The following AKT3 variants were observed in gnomAD, a reference collection of about 807,000 sequenced individuals.
AKT3 encodes RAC-gamma serine/threonine-protein kinase.
A neutral mutation model predicts 65.3 loss-of-function variants in AKT3; 15 were observed. The observed-to-expected ratio is 0.23, with a 90% CI of 0.15 to 0.35. AKT3 has a LOEUF of 0.35. Ranked by LOEUF, AKT3 falls within the 10% of genes least tolerant of loss-of-function variation. The pLI, the probability that AKT3 is intolerant of heterozygous loss-of-function variation, is 1.00. For missense variants in AKT3, 243 were observed against 576.5 expected, an observed-to-expected ratio of 0.42 and a Z score of 5.92; for synonymous variants, 206 against 183.8, an observed-to-expected ratio of 1.12 and a Z score of -0.98.
At chr1:243,670,167 G>C (rs1683066569) in intron 3 of AKT3, among the ~76,000 whole-genome samples, 1 of 152,074 alleles carries the variant, frequency 6.6e-6, no homozygotes, top group Non-Finnish European at 1.5e-5. Context: ...CAAATAAACA[G>C]TATAATAGAA....
intron 12 of AKT3, among the ~76,000 whole-genome samples, chr1:243,527,918 CACACACACACACACACACAGAG>C (rs1305301429): frequency 0.013 from 1,237 of 96,484 alleles, 31 homozygotes; most frequent in African/African-American, 0.036. Flanking sequence ...CACACACACA[CACACACACACACACACACAGAG>C]AGAGAGAGAG....
At chr1:243,647,933 T>C (rs1403754934) in intron 4 of AKT3, among the ~76,000 whole-genome samples, 2 of 152,172 alleles carry the variant, frequency 1.3e-5, no homozygotes, top group African/African-American at 4.8e-5. Flanking sequence ...TCTAGCCATC[T>C]GCATATTTTT....
intron 1 of AKT3, 61 bp downstream of exon 1, chr1:243,849,979 G>T (rs1040141105): frequency 2.1e-6 from 2 of 968,828 alleles, no homozygotes; most frequent in South Asian, 4.6e-5. Flanking sequence ...CGGGGCCCGG[G>T]GCCCGGAGGG....
chr1:243,711,968 T>C (rs1338394729), intron 2 of AKT3, among the ~76,000 whole-genome samples: 22 of 152,190 alleles, frequency 1.4e-4, no homozygotes, highest in Admixed American at 1.4e-3. Context: ...GACCTGCAAG[T>C]TTGCTTGTGT....
chr1:243,759,277 T>C (rs763872391), intron 2 of AKT3, among the ~76,000 whole-genome samples: 16 of 152,004 alleles, frequency 1.1e-4, no homozygotes, highest in Admixed American at 2.6e-4. Flanking sequence ...ATCGGACCAC[T>C]GCACTGCACT....
intron 10 of AKT3, among the ~76,000 whole-genome samples, chr1:243,558,005 T>C (rs1381495222): frequency 6.6e-6 from 1 of 152,108 alleles, no homozygotes; most frequent in Non-Finnish European, 1.5e-5. Context: ...TGTAACTACA[T>C]GTGCTACTAT....
chr1:243,756,996 G>A (rs531501595), intron 2 of AKT3, among the ~76,000 whole-genome samples: 277 of 152,304 alleles, frequency 1.8e-3, no homozygotes, highest in Non-Finnish European at 2.8e-3. Context: ...ATTATGGGAT[G>A]CTCTACAAAA....
At chr1:243,764,087 TC>T (rs1379196146) in intron 2 of AKT3, among the ~76,000 whole-genome samples, 2 of 152,100 alleles carry the variant, frequency 1.3e-5, no homozygotes, top group African/African-American at 4.8e-5. Context: ...CAGATTACAA[TC>T]ATATAAATTT....
chr1:243,726,591 T>C (rs1687227532), intron 2 of AKT3, among the ~76,000 whole-genome samples: 1 of 152,192 alleles, frequency 6.6e-6, no homozygotes, highest in Non-Finnish European at 1.5e-5. Context: ...TAGCAACCAA[T>C]ATTCTCTTTT....
At chr1:243,800,696 G>A (rs546202922) in intron 2 of AKT3, among the ~76,000 whole-genome samples, 52 of 151,310 alleles carry the variant, frequency 3.4e-4, no homozygotes, top group Non-Finnish European at 7.1e-4. Context: ...CCAGCCCAGC[G>A]ACAGAGTGAG....
chr1:243,662,154 C>T (rs1027115323), intron 4 of AKT3, among the ~76,000 whole-genome samples: 3 of 152,060 alleles, frequency 2.0e-5, no homozygotes, highest in Non-Finnish European at 2.9e-5. Flanking sequence ...GTGGCCATTC[C>T]TCAGGGACCT....
intron 2 of AKT3, among the ~76,000 whole-genome samples, chr1:243,835,022 T>C (rs549014294): frequency 7.2e-5 from 11 of 152,206 alleles, no homozygotes; most frequent in Non-Finnish European, 1.6e-4. Context: ...ATATTTTATA[T>C]GGAGCAGTAA....
intron 10 of AKT3, among the ~76,000 whole-genome samples, chr1:243,559,621 T>C (rs1673633636): frequency 6.6e-6 from 1 of 152,126 alleles, no homozygotes; most frequent in South Asian, 2.1e-4. Context: ...CTTTGTGAAG[T>C]ATCTTCAAAA....
chr1:243,525,486 T>C (rs1670985020), intron 12 of AKT3, among the ~76,000 whole-genome samples: 2 of 151,470 alleles, frequency 1.3e-5, no homozygotes, highest in Admixed American at 6.6e-5. Context: ...ATAATTATCT[T>C]CAATGACGTA....
intron 13 of AKT3, chr1:243,489,110 G>T: frequency 6.2e-7 from 1 of 1,613,030 alleles, no homozygotes; most frequent in Non-Finnish European, 8.5e-7. Flanking sequence ...GGCAGAGCCT[G>T]TCGGAAGAGG....
chr1:243,806,884 C>T (rs562491976), intron 2 of AKT3, among the ~76,000 whole-genome samples: 1 of 152,210 alleles, frequency 6.6e-6, no homozygotes, highest in Non-Finnish European at 1.5e-5. Context: ...GGTAGTAATG[C>T]ATCTTTCCTT....
intron 6 of AKT3, among the ~76,000 whole-genome samples, 180 bp from the exon 7 acceptor site, chr1:243,615,341 T>G (rs1203978286): frequency 6.6e-6 from 1 of 152,154 alleles, no homozygotes; most frequent in Non-Finnish European, 1.5e-5. Context: ...AAACTCAAAT[T>G]AATGATTTAA....
At chr1:243,738,170 C>A (rs1256313320) in intron 2 of AKT3, among the ~76,000 whole-genome samples, 1 of 152,314 alleles carries the variant, frequency 6.6e-6, no homozygotes. Context: ...TACAATACAG[C>A]CAGCTACCCT....
intron 2 of AKT3, among the ~76,000 whole-genome samples, chr1:243,837,550 G>T (rs1259994472): frequency 6.6e-6 from 1 of 152,132 alleles, no homozygotes; most frequent in Non-Finnish European, 1.5e-5. Flanking sequence ...GTCCAAATTG[G>T]TAATATATTT....
Sources: allele counts gnomAD v4.1 joint callset (sites outside exome capture counted in the v4.1 genomes callset), GRCh38; gene constraint gnomAD v4.1.1; transcripts MANE v1.5; gene names NCBI Gene and HGNC (gene_info 2026-07-23, HGNC 2026-07-21).